The following AP3M1 variants were observed in gnomAD, a reference collection of about 807,000 sequenced individuals.
AP3M1 encodes the protein AP-3 complex subunit mu-1.
Under a neutral mutation model 42.6 loss-of-function variants are expected in AP3M1, and 29 were observed. The ratio of observed to expected loss-of-function variants is 0.68; its 90% CI spans 0.51 to 0.93. The LOEUF (loss-of-function observed/expected upper bound fraction) is 0.93. AP3M1 is among the 40% of genes least tolerant of loss of function. The pLI is 0.00. For missense variants in AP3M1, 416 were observed against 510.2 expected (o/e 0.82, Z 1.78); for synonymous variants, 178 against 175.3 (o/e 1.02, Z -0.12).
intron 1 of AP3M1, among the ~76,000 whole-genome samples, chr10:74,139,822 G>A (rs1188004788): frequency 2.0e-5 from 3 of 150,114 alleles, no homozygotes; most frequent in Non-Finnish European, 2.9e-5. Flanking sequence ...CAGAAGAATC[G>A]CTTGAACCCG....
intron 4 of AP3M1, among the ~76,000 whole-genome samples, chr10:74,131,633 G>T (rs1840783254): frequency 6.6e-6 from 1 of 151,804 alleles, no homozygotes; most frequent in Non-Finnish European, 1.5e-5. Flanking sequence ...CCACAGCATT[G>T]AACTCCTGGG....
intron 1 of AP3M1, among the ~76,000 whole-genome samples, chr10:74,146,736 A>C (rs1841340258): frequency 2.6e-5 from 4 of 152,156 alleles, no homozygotes; most frequent in Admixed American, 2.6e-4. Context: ...TGTTAATGGG[A>C]ATTAATCAAA....
At chr10:74,129,530 GACA>G (rs1840712802) in intron 5 of AP3M1, among the ~76,000 whole-genome samples, 1 of 152,206 alleles carries the variant, frequency 6.6e-6, no homozygotes, top group Admixed American at 6.5e-5. Context: ...GCAAACTGGT[GACA>G]ACACCAGAAG....
At chr10:74,143,970 A>AT (rs555366046) in intron 1 of AP3M1, among the ~76,000 whole-genome samples, 2 of 151,592 alleles carry the variant, frequency 1.3e-5, no homozygotes, top group African/African-American at 4.8e-5. Flanking sequence ...ATTTTAATTA[A>AT]TTTTTTTTTG....
chr10:74,136,526 A>C, intron 3 of AP3M1, 106 bp downstream of exon 3: 5 of 856,814 alleles, frequency 5.8e-6, no homozygotes, highest in Non-Finnish European at 8.1e-6. Context: ...AACTTTAATT[A>C]TGGCCAAATT....
intron 7 of AP3M1, 95 bp downstream of exon 7, chr10:74,126,053 A>G: frequency 7.4e-7 from 1 of 1,345,734 alleles, no homozygotes. Context: ...CTTTAGTTTT[A>G]AACAAGGTGC....
intron 7 of AP3M1, among the ~76,000 whole-genome samples, chr10:74,125,544 CA>C (rs1200054635): frequency 2.6e-5 from 4 of 152,094 alleles, no homozygotes; most frequent in Non-Finnish European, 4.4e-5. Context: ...TGATGTTATT[CA>C]AAAAACATGT....
In AP3M1 at chr10:74,138,715, G is replaced by A. The variant is rs1841028682; in HGVS notation, c.-3-333C>T. 3 of 184,104 alleles carry A rather than the reference G, an allele frequency of 1.6e-5. No individual in the cohort carries two copies. In the South Asian group the frequency reaches 3.2e-4, roughly 20 times the overall value. 11.4% of individuals were successfully genotyped at this position (184,104 alleles called of 1,614,324 possible). A position where few individuals can be genotyped will look rare whatever the true frequency, so the allele number is the denominator to read the frequency against. The stretch of plus-strand genomic sequence containing the variant: ...GGAGGCTGAGGTGGGCGGATTGCTT[G>A]AGCTCAGGAGTTTGAGACCAGCCTG... On this transcript the variant is annotated intron_variant, in intron 1 of 8. Coordinates refer to ENST00000355264, the MANE Select transcript of AP3M1 (RefSeq NM_012095.6).
chr10:74,150,408 A>G (rs953336622), intron 1 of AP3M1: 1 of 152,664 alleles, frequency 6.6e-6, no homozygotes, highest in Non-Finnish European at 1.5e-5. Context: ...CCACCCGCTA[A>G]CAGGACGTCT....
intron 6 of AP3M1, among the ~76,000 whole-genome samples, chr10:74,126,970 C>CAAAAAAAAAAAAAA (rs58110411): frequency 9.3e-5 from 3 of 32,344 alleles, no homozygotes; most frequent in Admixed American, 6.3e-4. Context: ...GACGCCATCT[C>CAAAAAAAAAAAAAA]AAAAAAAAAA....
intron 1 of AP3M1, among the ~76,000 whole-genome samples, chr10:74,144,037 C>A (rs1226205495): frequency 6.6e-6 from 1 of 152,202 alleles, no homozygotes; most frequent in Non-Finnish European, 1.5e-5. Flanking sequence ...TCTCTGCTCA[C>A]TGCAAGCTCC....
chr10:74,128,950 A>C, intron 6 of AP3M1, 158 bp downstream of exon 6: 1 of 731,546 alleles, frequency 1.4e-6, no homozygotes. Context: ...GGATTATTTT[A>C]GGTGCGTATT....
chr10:74,147,905 G>A lies in AP3M1; in HGVS notation c.-4+2850C>T, dbSNP rs556046208. Among the ~76,000 whole-genome samples the A allele has an allele frequency of 9.2e-5, 14 of 152,118 alleles. No individual in the cohort carries two copies. In the East Asian group the frequency reaches 2.5e-3, roughly 27 times the overall value. On this transcript the variant is annotated intron_variant, in intron 1 of 8. Transcript: ENST00000355264. ...TCCCAGCTACTCGGGAGGCTGAGGC[G>A]GAAGAATCACTTGAACTCTGGAGGC...
chr10:74,134,053 T>A lies in AP3M1; in HGVS notation c.557A>T (p.Glu186Val). The part of the protein sequence containing the change: ...NNEAYFDVVE[E>V]IDAIIDKSGS... ...TGATTTATCTATAATTGCGTCTATT[T>A]CTTCAACAACATCAAAATAGGCTTC... Residue 186 changes from glutamate (E) to valine (V), a missense_variant, in exon 4 of 9, where the codon GAA (glutamate) becomes GTA (valine). Glu to Val is a moderately radical substitution (Grantham distance 121, BLOSUM62 -2). Coordinates refer to ENST00000355264, the MANE Select transcript of AP3M1 (RefSeq NM_012095.6). The A allele has an allele frequency of 6.2e-7, 1 of 1,614,172 alleles. No homozygotes were observed. Among genetic ancestry groups the A allele is most frequent in the Non-Finnish European group, 8.5e-7 (1 of 1,180,000 alleles).
At chr10:74,126,013 C>A in intron 7 of AP3M1, 135 bp downstream of exon 7, 2 of 857,790 alleles carry the variant, frequency 2.3e-6, no homozygotes, top group South Asian at 1.6e-5. Flanking sequence ...AGAAGCACAG[C>A]ACAGTATGCT....
chr10:74,138,597 GAAAA>G (rs35488304), intron 1 of AP3M1, among the ~76,000 whole-genome samples: 7 of 111,010 alleles, frequency 6.3e-5, no homozygotes, highest in Admixed American at 9.4e-5. Flanking sequence ...ATCCTTTTAC[GAAAA>G]AAAAAAAAAA....
intron 1 of AP3M1, among the ~76,000 whole-genome samples, chr10:74,141,010 G>A (rs1841129371): frequency 6.6e-6 from 1 of 152,120 alleles, no homozygotes; most frequent in African/African-American, 2.4e-5. Flanking sequence ...ATAAAAAATA[G>A]ATAACCCAGA....
intron 1 of AP3M1, among the ~76,000 whole-genome samples, chr10:74,146,200 G>A (rs1331701088): frequency 6.6e-6 from 1 of 152,172 alleles, no homozygotes; most frequent in East Asian, 1.9e-4. Flanking sequence ...TATAAATTTA[G>A]CAAATATGGA....
chr10:74,148,533 C>T (rs546864797), intron 1 of AP3M1, among the ~76,000 whole-genome samples: 60 of 152,262 alleles, frequency 3.9e-4, no homozygotes, highest in African/African-American at 1.4e-3. Flanking sequence ...AAAGAACTCC[C>T]ATAGCGTATG....
Sources: gnomAD v4.1 joint callset for allele counts (sites outside exome capture counted in the v4.1 genomes callset) on GRCh38, gnomAD v4.1.1 for gene constraint, MANE v1.5 for transcripts, NCBI Gene and HGNC (gene_info 2026-07-23, HGNC 2026-07-21) for gene names.